The following PCDHA8 variants were observed in gnomAD, a reference collection of about 807,000 sequenced individuals.
PCDHA8 encodes protocadherin alpha 8.
A neutral mutation model predicts 61.8 loss-of-function variants in PCDHA8; 53 were observed. That is an observed-to-expected ratio of 0.86 (90% CI 0.69 to 1.08). The LOEUF is 1.08. Among genes scored for constraint, PCDHA8 ranks in the 50% least tolerant of loss-of-function variants. PCDHA8 has a pLI of 0.00. For synonymous variants in PCDHA8, 618 were observed against 556.6 expected (o/e 1.11, Z -1.55); for missense variants, 1,293 against 1,245.0 (o/e 1.04, Z -0.58).
At chr5:140,900,712 A>G (rs1408382305) in intron 1 of PCDHA8, among the ~76,000 whole-genome samples, 2 of 152,234 alleles carry the variant, frequency 1.3e-5, no homozygotes, top group Non-Finnish European at 2.9e-5. Context: ...TTGGAAAGAA[A>G]GGAAATCCTA....
rs546684407 is a variant in PCDHA8 at position 140,870,806 on chromosome 5, A to G, written c.2394+27091A>G. 6.2e-6 allele frequency: 10 copies of G among 1,613,688 alleles called. No individual in the cohort carries two copies. In the Admixed American group the frequency reaches 1.7e-4, roughly 27 times the overall value. ...AACGCGCCGGCACTGCTGGCGACTC[A>G]GGCTGGCAGCGCGGGAGGCGCAGTT... is the stretch of plus-strand genomic sequence containing the variant. On this transcript the variant is annotated intron_variant, in intron 1 of 3. Transcript: ENST00000531613.
Position 140,842,192 on chromosome 5 carries a change from G to T in PCDHA8, c.871G>T (p.Asp291Tyr), listed in dbSNP as rs2150331449. 27 of 1,613,606 alleles carry T rather than the reference G, an allele frequency of 1.7e-5. No homozygotes were observed. The highest frequency in any genetic ancestry group is 2.2e-5 in the Non-Finnish European group (26 of 1,179,812). Residue 291 changes from aspartate to tyrosine, a missense_variant, in exon 1 of 4, where the codon GAC becomes TAC. Asp to Tyr is a radical substitution (Grantham distance 160). Transcript: ENST00000531613. ...TAGCCTTGTTGAAACTATGGTTATT[G>T]ACCACTTTAGCATAGATCGAAATAC... ...FNSLVETMVI[D>Y]HFSIDRNTGE...
intron 2 of PCDHA8, among the ~76,000 whole-genome samples, chr5:140,979,752 G>A (rs1048851264): frequency 4.6e-5 from 7 of 152,138 alleles, no homozygotes; most frequent in South Asian, 2.1e-4. Context: ...CATTATTTGC[G>A]AATGTCTTTG....
rs1554141625 is a variant in PCDHA8 at position 140,847,005 on chromosome 5, A to G, written c.2394+3290A>G. On this transcript the variant is annotated intron_variant, in intron 1 of 3. Coordinates refer to ENST00000531613, the MANE Select transcript of PCDHA8 (RefSeq NM_018911.3). Reference sequence around the variant, plus strand: ...AGTTCCCCCCGGGAGAATATTGAGAATGATAGACATTTCTTGGAAAGAGAA... The same window carrying G: ...AGTTCCCCCCGGGAGAATATTGAGAGTGATAGACATTTCTTGGAAAGAGAA... 2.7e-5 allele frequency among the ~76,000 whole-genome samples: 4 copies of G among 149,762 alleles called. 1 individual carries two copies.
intron 1 of PCDHA8, chr5:140,877,996 AT>A (rs1305761926): frequency 2.6e-5 from 27 of 1,037,884 alleles, no homozygotes; most frequent in Non-Finnish European, 3.2e-5. Flanking sequence ...ACTTTTATGT[AT>A]TTGTCTAACA....
At position 140,848,861 on chromosome 5, in the gene PCDHA8, G is replaced by A. The variant is rs2150423051; in HGVS notation, c.2394+5146G>A. 3.1e-4 allele frequency: 495 copies of A among 1,590,730 alleles called. 45 individuals carry two copies. The highest frequency in any genetic ancestry group is 4.3e-4 in the Admixed American group (25 of 58,818). Reference sequence around the variant, plus strand: ...TGCAGGTTTTCCATGTGGACGTGGAGGTGAAGGACATTAACGACAACCCTC... The same window carrying A: ...TGCAGGTTTTCCATGTGGACGTGGAAGTGAAGGACATTAACGACAACCCTC... On this transcript the variant is annotated intron_variant, in intron 1 of 3. Coordinates refer to ENST00000531613, the MANE Select transcript of PCDHA8 (RefSeq NM_018911.3).
At chr5:140,889,387 C>G (rs1174974313) in intron 1 of PCDHA8, among the ~76,000 whole-genome samples, 1 of 151,966 alleles carries the variant, frequency 6.6e-6, no homozygotes, top group East Asian at 1.9e-4. Context: ...AAGGACCATT[C>G]AGAGTTTAAT....
intron 1 of PCDHA8, chr5:140,967,032 A>G (rs2096085772): frequency 6.2e-7 from 1 of 1,610,180 alleles, no homozygotes; most frequent in African/African-American, 1.3e-5. Context: ...AGTCCGCGCT[A>G]CCTGGAGCTG....
intron 1 of PCDHA8, among the ~76,000 whole-genome samples, chr5:140,897,219 C>T (rs1169975962): frequency 1.1e-4 from 17 of 152,004 alleles, no homozygotes; most frequent in Admixed American, 1.1e-3. Flanking sequence ...TTTTAGGGTA[C>T]ATGTGCACAA....
At position 140,967,486 on chromosome 5, in the gene PCDHA8, G is replaced by A. The variant is rs782309199; in HGVS notation, c.2395-11463G>A. The A allele has an allele frequency of 2.5e-6, 4 of 1,612,986 alleles. No individual in the cohort carries two copies. The African/African-American group carries it at 4.0e-5, about 16-fold the overall frequency. ...GGGGCATCCCAGCCCGCTCGGGTAC[G>A]GCACAGATCTCTGTGCGTGTCCTGG... On this transcript the variant is annotated intron_variant, in intron 1 of 3. Coordinates refer to ENST00000531613, the MANE Select transcript of PCDHA8 (RefSeq NM_018911.3).
At chr5:140,975,343 A>G (rs997568363) in intron 1 of PCDHA8, among the ~76,000 whole-genome samples, 1 of 152,224 alleles carries the variant, frequency 6.6e-6, no homozygotes, top group Middle Eastern at 3.2e-3. Context: ...TCCCTTTCTT[A>G]AAGCCAACTG....
Position 140,857,690 on chromosome 5 carries a change from T to G in PCDHA8, c.2394+13975T>G, listed in dbSNP as rs184684054. On this transcript the variant is annotated intron_variant, in intron 1 of 3. Transcript: ENST00000531613. ...GGGCGTGCCGCCTCTGGGCAGCAAC[T>G]TGACGCTGCAGGTGTTCGTGCTGGA... 2.4e-3 allele frequency: 3,841 copies of G among 1,597,044 alleles called. 312 individuals are homozygous for G. In the African/African-American group the frequency reaches 0.036, roughly 15 times the overall value.
In PCDHA8 at chr5:140,842,767, G is replaced by A. The variant is rs2150343877; in HGVS notation, c.1446G>A (p.Ala482=). ...TCTTCACGGTGTCTGCGCGAGACGCGGACGCGCAGGAGAACGCGCTGGTGT... is the reference window on the plus strand; with the variant it reads ...TCTTCACGGTGTCTGCGCGAGACGCAGACGCGCAGGAGAACGCGCTGGTGT... ...CHIFTVSARD[A]DAQENALVSY... is the part of the protein sequence containing the mutation. The change falls in exon 1 of 4, where the codon GCG becomes GCA. Residue 482 remains alanine (A), a synonymous_variant. Transcript: ENST00000531613. The A allele has an allele frequency of 1.9e-6, 3 of 1,594,562 alleles. No homozygotes were observed. Among genetic ancestry groups the A allele is most frequent in the Non-Finnish European group, 2.6e-6 (3 of 1,165,430 alleles).
Position 140,843,107 on chromosome 5 carries a change from G to T in PCDHA8, c.1786G>T (p.Ala596Ser), listed in dbSNP as rs1554139748. The T allele has an allele frequency of 5.6e-6, 9 of 1,595,816 alleles. 1 individual carries two copies. Among genetic ancestry groups the T allele is most frequent in the Non-Finnish European group, 6.9e-6 (8 of 1,165,524 alleles). ...GAGHVVAKVRAVDADSGYNAW... is the reference protein window; with the variant it reads ...GAGHVVAKVRSVDADSGYNAW... ...GGGCCACGTGGTAGCGAAGGTGCGCGCAGTGGACGCCGACTCGGGCTACAA... is the reference window on the plus strand; with the variant it reads ...GGGCCACGTGGTAGCGAAGGTGCGCTCAGTGGACGCCGACTCGGGCTACAA... Residue 596 changes from alanine to serine, a missense_variant, in exon 1 of 4, where the codon GCA becomes TCA. By Grantham distance (99) the Ala-to-Ser change is moderately conservative. Coordinates refer to ENST00000531613, the MANE Select transcript of PCDHA8 (RefSeq NM_018911.3).
intron 1 of PCDHA8, among the ~76,000 whole-genome samples, chr5:140,903,774 C>A (rs1466112745): frequency 6.6e-6 from 1 of 152,122 alleles, no homozygotes; most frequent in African/African-American, 2.4e-5. Context: ...ACTTTTCTAT[C>A]CATAAACTAT....
At chr5:140,946,295 C>T (rs543000779) in intron 1 of PCDHA8, among the ~76,000 whole-genome samples, 2 of 151,940 alleles carry the variant, frequency 1.3e-5, no homozygotes, top group South Asian at 4.1e-4. Context: ...TCACCTCACA[C>T]CTGGTAGAAT....
chr5:140,876,455 C>G, intron 1 of PCDHA8: 1 of 1,613,992 alleles, frequency 6.2e-7, no homozygotes, highest in Non-Finnish European at 8.5e-7. Context: ...AAAGGGATTC[C>G]TTCCATGGCA....
intron 1 of PCDHA8, chr5:140,853,295 G>T: frequency 1.0e-6 from 1 of 982,026 alleles, no homozygotes. Flanking sequence ...ATTCTCAGAA[G>T]GGCTGTGAAC....
At chr5:140,880,512 C>T (rs1296325164) in intron 1 of PCDHA8, among the ~76,000 whole-genome samples, 4 of 152,314 alleles carry the variant, frequency 2.6e-5, no homozygotes, top group South Asian at 4.1e-4. Flanking sequence ...TGTTTGGTCA[C>T]ATCTCTCAAT....
Sources: allele counts gnomAD v4.1 joint callset (sites outside exome capture counted in the v4.1 genomes callset), GRCh38; gene constraint gnomAD v4.1.1; transcripts MANE v1.5; gene names NCBI Gene and HGNC (gene_info 2026-07-23, HGNC 2026-07-21).